Variants in GTF3C2 observed in about 807,000 individuals in gnomAD.
GTF3C2 encodes the protein general transcription factor 3C polypeptide 2.
In GTF3C2, 17 loss-of-function variants were observed where a neutral mutation model predicts 117.4. The observed-to-expected ratio is 0.14, with a 90% CI of 0.10 to 0.22. The LOEUF is 0.22. Ranked by LOEUF, GTF3C2 falls within the 10% of genes least tolerant of loss-of-function variation. The pLI is 1.00. For synonymous variants in GTF3C2, 437 were observed against 427.0 expected, an observed-to-expected ratio of 1.02 and a Z score of -0.29; for missense variants, 888 against 1,143.6, an observed-to-expected ratio of 0.78 and a Z score of 3.22.
chr2:27,346,017 T>C lies in GTF3C2; in HGVS notation c.-24-2439A>G, dbSNP rs1376848556. On this transcript the variant is annotated intron_variant, in intron 1 of 18. Coordinates refer to ENST00000264720, the Ensembl canonical transcript of GTF3C2. ...GACTTGAGCCACTGTGCCCCGCCAC[T>C]TTTTTTTTTTTTTTTTTTTTTGAGA... is the stretch of plus-strand genomic sequence containing the variant. 8.1e-3 allele frequency among the ~76,000 whole-genome samples: 333 copies of C among 40,980 alleles called. 3 individuals are homozygous for C. Among genetic ancestry groups the C allele is most frequent in the African/African-American group, 0.049 (322 of 6,506 alleles). 26.9% of individuals were successfully genotyped at this position (40,980 alleles called of 152,430 possible).
At chr2:27,328,388 A>G in intron 16 of GTF3C2, 80 bp downstream of exon 16, 2 of 1,441,608 alleles carry the variant, frequency 1.4e-6, no homozygotes, top group African/African-American at 1.4e-5. Flanking sequence ...GAGACCTGAC[A>G]CTAGTTTGTA....
At position 27,343,165 on chromosome 2, in the gene GTF3C2, G is replaced by A. The variant is rs368935220; in HGVS notation, c.248-18C>T. The stretch of plus-strand genomic sequence containing the variant: ...AGAAAGATCTGTGGAGAAGAATATG[G>A]GTCTGTGAGATGGGACCAGAACTCA... On this transcript the variant is annotated intron_variant, in intron 2 of 18. Coordinates refer to ENST00000264720, the Ensembl canonical transcript of GTF3C2. 2.4e-5 allele frequency: 37 copies of A among 1,542,642 alleles called. No homozygotes were observed. The highest frequency in any genetic ancestry group is 3.1e-5 in the Non-Finnish European group (35 of 1,142,160).
intron 12 of GTF3C2, among the ~76,000 whole-genome samples, chr2:27,333,117 G>C (rs1291775665): frequency 6.6e-6 from 1 of 150,486 alleles, no homozygotes; most frequent in South Asian, 2.1e-4. Flanking sequence ...CAAAGTACTG[G>C]AATTATAGGC....
At chr2:27,346,483 T>C (rs1019938876) in intron 1 of GTF3C2, among the ~76,000 whole-genome samples, 13 of 147,144 alleles carry the variant, frequency 8.8e-5, no homozygotes, top group African/African-American at 2.8e-4. Context: ...GCCTGAGTAG[T>C]TGGGACTACA....
intron 10 of GTF3C2, among the ~76,000 whole-genome samples, chr2:27,335,117 T>C (rs1386909089): frequency 2.6e-5 from 4 of 152,152 alleles, no homozygotes; most frequent in East Asian, 1.9e-4. Flanking sequence ...ATTCAACATA[T>C]AGGAGCTGCC....
Position 27,328,759 on chromosome 2 carries a change from CA to C in GTF3C2, c.2127+84del, listed in dbSNP as rs967909261. 105 of 1,134,768 alleles carry C rather than the reference CA, an allele frequency of 9.3e-5. No homozygotes were observed. The African/African-American group carries it at 1.5e-3, about 17-fold the overall frequency. The allele number at this position is 1,134,768 out of a possible 1,614,324, so 70.3% of individuals were successfully genotyped here. The stretch of plus-strand genomic sequence containing the variant: ...AACATCCCTATCTTCTCCTTCTACC[CA>C]AAACTACTGCCTCTGACTACTAATA... On this transcript the variant is annotated intron_variant, in intron 15 of 18. Coordinates refer to ENST00000264720, the Ensembl canonical transcript of GTF3C2.
At chr2:27,341,579 T>C (rs984049896) in intron 4 of GTF3C2, 15 of 184,640 alleles carry the variant, frequency 8.1e-5, no homozygotes, top group Non-Finnish European at 1.5e-4. Context: ...AATTCAACTA[T>C]CATTCCTCTG....
exon 4 of GTF3C2, chr2:27,342,007 TCTCACTTGGGCC>T: frequency 1.2e-6 from 2 of 1,614,064 alleles, no homozygotes; most frequent in Non-Finnish European, 1.7e-6. Context: ...TCAGATGAGC[TCTCACTTGGGCC>T]CTCACTTTCT....
In GTF3C2 at chr2:27,333,737, G is replaced by A. The variant is rs765753079; in HGVS notation, c.1650C>T (p.Asp550=). ...TAAGGCACTGACCACACTCAGAGGG[G>A]TCTGTAGCTTGCATAGACCCCACCT... Residue 550 remains aspartate, a synonymous_variant, in exon 12 of 19, where the codon GAC becomes GAT. Transcript: ENST00000264720. 2.5e-6 allele frequency: 4 copies of A among 1,608,484 alleles called. No individual in the cohort carries two copies. The South Asian group carries it at 4.4e-5, about 18-fold the overall frequency.
chr2:27,335,860 GGCCTCTTT>G, intron 9 of GTF3C2, 49 bp downstream of exon 9: 1 of 1,237,130 alleles, frequency 8.1e-7, no homozygotes. Context: ...GAATTCCCAG[GGCCTCTTT>G]GTCCTGGCTT....
At chr2:27,353,470 GCT>G (rs1681211565) in intron 1 of GTF3C2, among the ~76,000 whole-genome samples, 1 of 151,458 alleles carries the variant, frequency 6.6e-6, no homozygotes, top group Non-Finnish European at 1.5e-5. Context: ...ACAGAGTCAC[GCT>G]CTGTCTCCCA....
chr2:27,353,468 AC>A (rs1376623906), intron 1 of GTF3C2, among the ~76,000 whole-genome samples: 4 of 151,456 alleles, frequency 2.6e-5, no homozygotes, highest in African/African-American at 9.7e-5. Context: ...AGACAGAGTC[AC>A]GCTCTGTCTC....
intron 1 of GTF3C2, among the ~76,000 whole-genome samples, chr2:27,353,734 C>T (rs1681222358): frequency 1.3e-5 from 2 of 151,870 alleles, no homozygotes; most frequent in South Asian, 4.1e-4. Flanking sequence ...ATAACTCTTT[C>T]ATATTAAAAT....
rs374616810 is a variant in GTF3C2 at position 27,355,166 on chromosome 2, T to C, written c.-25+1573A>G. On this transcript the variant is annotated intron_variant, in intron 1 of 18. Coordinates refer to ENST00000264720, the Ensembl canonical transcript of GTF3C2. ...TCTATTTATTTGCACTGATAATAATTGGTGTCAGCAACTTCTTTCTATATA... is the reference window on the plus strand; with the variant it reads ...TCTATTTATTTGCACTGATAATAATCGGTGTCAGCAACTTCTTTCTATATA... Among the ~76,000 whole-genome samples, 10 of 152,336 alleles carry C rather than the reference T, an allele frequency of 6.6e-5. No individual in the cohort carries two copies. The East Asian group carries it at 1.7e-3, about 26-fold the overall frequency.
chr2:27,338,616 A>G (rs948695932), intron 4 of GTF3C2, among the ~76,000 whole-genome samples: 2 of 152,090 alleles, frequency 1.3e-5, no homozygotes, highest in Admixed American at 6.6e-5. Flanking sequence ...CTGCAGCCCC[A>G]GCTTCTGCCT....
At chr2:27,331,519 G>A (rs1002205443) in intron 12 of GTF3C2, among the ~76,000 whole-genome samples, 1 of 151,974 alleles carries the variant, frequency 6.6e-6, no homozygotes, top group African/African-American at 2.4e-5. Flanking sequence ...TAGAGACAGG[G>A]TTTCACCATG....
intron 12 of GTF3C2, among the ~76,000 whole-genome samples, chr2:27,332,071 C>T (rs1049149671): frequency 2.6e-5 from 4 of 152,262 alleles, no homozygotes; most frequent in African/African-American, 9.6e-5. Flanking sequence ...TCATCAGGAG[C>T]TTAGCCAATA....
At chr2:27,328,739 C>A in intron 15 of GTF3C2, 105 bp downstream of exon 15, 3 of 1,052,708 alleles carry the variant, frequency 2.8e-6, no homozygotes, top group Middle Eastern at 2.0e-4. Flanking sequence ...GTTACAACAT[C>A]CCTATCTTCT....
chr2:27,340,615 TA>T (rs1162525824), intron 4 of GTF3C2: 1 of 150,972 alleles, frequency 6.6e-6, no homozygotes, highest in Non-Finnish European at 1.5e-5. Flanking sequence ...CTTACCTGGA[TA>T]ACTGAAACTG....
Sources: allele counts gnomAD v4.1 joint callset (sites outside exome capture counted in the v4.1 genomes callset), GRCh38; gene constraint gnomAD v4.1.1; transcripts MANE v1.5; gene names NCBI Gene and HGNC (gene_info 2026-07-23, HGNC 2026-07-21).